Variants in SMIM35 observed in about 807,000 individuals in gnomAD.
The protein encoded by SMIM35 is TMPRSS4 antisense RNA 1 (non-protein coding).
At chr11:118,018,155 TG>T (rs1035681273) in intron 1 of SMIM35, among the ~76,000 whole-genome samples, 47 of 152,156 alleles carry the variant, frequency 3.1e-4, no homozygotes, top group Admixed American at 5.9e-4. Flanking sequence ...CCAGGAGCCC[TG>T]GGTCATGAGC....
intron 1 of SMIM35, among the ~76,000 whole-genome samples, chr11:118,033,846 G>C (rs1783850): frequency 0.81 from 122,849 of 152,190 alleles, 50,004 homozygotes; most frequent in East Asian, 0.93. Flanking sequence ...ATGTGAACTT[G>C]AATCTCAGTT....
chr11:118,070,633 C>T (rs1486413390), intron 1 of SMIM35, among the ~76,000 whole-genome samples: 3 of 152,198 alleles, frequency 2.0e-5, no homozygotes, highest in Non-Finnish European at 4.4e-5. Context: ...TAAGAGTATC[C>T]TGGAGAGACA....
chr11:118,048,741 C>A (rs1418370838), intron 1 of SMIM35, among the ~76,000 whole-genome samples: 1 of 150,998 alleles, frequency 6.6e-6, no homozygotes, highest in Non-Finnish European at 1.5e-5. Flanking sequence ...AAACAAAAAA[C>A]AAAAAACACG....
At chr11:118,041,279 T>C (rs191492790) in intron 1 of SMIM35, among the ~76,000 whole-genome samples, 26 of 152,216 alleles carry the variant, frequency 1.7e-4, no homozygotes, top group South Asian at 4.1e-4. Context: ...ATCAAGGAAA[T>C]AGAAGATTTG....
At chr11:118,044,461 A>G (rs1591294890) in intron 1 of SMIM35, among the ~76,000 whole-genome samples, 5 of 152,206 alleles carry the variant, frequency 3.3e-5, no homozygotes, top group Admixed American at 3.3e-4. Context: ...CCCACCGCCC[A>G]TCTAAATCAT....
At chr11:118,023,322 A>G (rs2058247083) in intron 1 of SMIM35, among the ~76,000 whole-genome samples, 1 of 152,148 alleles carries the variant, frequency 6.6e-6, no homozygotes, top group African/African-American at 2.4e-5. Context: ...GAGAGATTCA[A>G]TAAGTCTCAA....
At chr11:118,029,602 C>T in intron 1 of SMIM35, 1 of 456,436 alleles carries the variant, frequency 2.2e-6, no homozygotes, top group Non-Finnish European at 4.4e-6. Flanking sequence ...TTCTTATTGT[C>T]ATATCACTGT....
At chr11:118,086,177 T>C (rs1055606664) in intron 1 of SMIM35, among the ~76,000 whole-genome samples, 4 of 152,226 alleles carry the variant, frequency 2.6e-5, no homozygotes, top group African/African-American at 9.6e-5. Flanking sequence ...AATAGTTACA[T>C]CTTCCCTGCC....
At chr11:118,056,493 C>T (rs1944311838) in intron 1 of SMIM35, among the ~76,000 whole-genome samples, 1 of 152,154 alleles carries the variant, frequency 6.6e-6, no homozygotes, top group Non-Finnish European at 1.5e-5. Context: ...CTGTTGAGCT[C>T]AAGGTACCTG....
intron 1 of SMIM35, among the ~76,000 whole-genome samples, chr11:118,066,077 C>A (rs537237793): frequency 6.6e-6 from 1 of 152,084 alleles, no homozygotes; most frequent in Non-Finnish European, 1.5e-5. Flanking sequence ...ACCCCCCGGA[C>A]GTACGACCTC....
At chr11:118,033,731 G>A (rs552256104) in intron 1 of SMIM35, among the ~76,000 whole-genome samples, 1 of 152,256 alleles carries the variant, frequency 6.6e-6, no homozygotes, top group African/African-American at 2.4e-5. Flanking sequence ...AAGTGTAAAT[G>A]AAATTTCAAA....
At chr11:118,081,003 G>A (rs1463505901) in intron 1 of SMIM35, among the ~76,000 whole-genome samples, 1 of 152,170 alleles carries the variant, frequency 6.6e-6, no homozygotes, top group Non-Finnish European at 1.5e-5. Context: ...CACCAGAATG[G>A]GAGCTTCTTG....
At chr11:118,077,434 C>A (rs754884131) in intron 1 of SMIM35, 142 of 1,142,770 alleles carry the variant, frequency 1.2e-4, no homozygotes, top group Admixed American at 1.2e-3. Context: ...AAAGAGGCCA[C>A]ACCCAAATCC....
At chr11:118,061,544 C>T (rs1183326096) in intron 1 of SMIM35, among the ~76,000 whole-genome samples, 1 of 151,996 alleles carries the variant, frequency 6.6e-6, no homozygotes. Flanking sequence ...AGTTACCAGA[C>T]GAACACCGTC....
chr11:118,034,167 G>T (rs117196577), intron 1 of SMIM35, among the ~76,000 whole-genome samples: 2,437 of 142,294 alleles, frequency 0.017, 104 homozygotes, highest in East Asian at 0.12. Context: ...TATTCAGGAG[G>T]CTGGGGTAGG....
At chr11:118,013,607 C>G in intron 4 of SMIM35, 141 bp downstream of exon 4, 3 of 386,918 alleles carry the variant, frequency 7.8e-6, no homozygotes, top group Non-Finnish European at 9.1e-6. Context: ...AGCCTGAGAT[C>G]GGCACCAGAA....
chr11:118,009,722 C>T (rs1008002826), intron 4 of SMIM35, among the ~76,000 whole-genome samples: 6 of 142,646 alleles, frequency 4.2e-5, no homozygotes, highest in Non-Finnish European at 7.5e-5. Flanking sequence ...AATGCAGACG[C>T]TTTAAAAAAA....
At chr11:118,062,639 C>G (rs1441986776) in intron 1 of SMIM35, among the ~76,000 whole-genome samples, 2 of 152,182 alleles carry the variant, frequency 1.3e-5, no homozygotes, top group Non-Finnish European at 2.9e-5. Context: ...CCTCCCAACC[C>G]TCTCCTGGCC....
chr11:118,032,628 C>T (rs2058328637), intron 1 of SMIM35, among the ~76,000 whole-genome samples: 1 of 152,042 alleles, frequency 6.6e-6, no homozygotes, highest in African/African-American at 2.4e-5. Context: ...ATACAGGAGG[C>T]TGGGCATTGT....
Sources: allele counts gnomAD v4.1 joint callset (sites outside exome capture counted in the v4.1 genomes callset), GRCh38; gene constraint gnomAD v4.1.1; transcripts MANE v1.5; gene names NCBI Gene and HGNC (gene_info 2026-07-23, HGNC 2026-07-21).